The following FUT9 variants were observed in gnomAD, a reference collection of about 807,000 sequenced individuals.
The protein encoded by FUT9 is fucosyltransferase 9, also known as 4-galactosyl-N-acetylglucosaminide 3-alpha-L-fucosyltransferase 9.
A neutral mutation model predicts 29.7 loss-of-function variants in FUT9; 15 were observed. The observed-to-expected ratio is 0.51, with a 90% CI of 0.34 to 0.78. The LOEUF (loss-of-function observed/expected upper bound fraction) is 0.78, where lower values mean the gene tolerates loss of function less well. FUT9 is among the 30% of genes least tolerant of loss of function. The pLI is 0.01. For missense variants in FUT9, 319 were observed against 425.4 expected (o/e 0.75, Z 2.20); for synonymous variants, 169 against 153.7 (o/e 1.10, Z -0.74).
intron 2 of FUT9, among the ~76,000 whole-genome samples, chr6:96,161,375 G>A (rs551294046): frequency 4.5e-4 from 68 of 152,240 alleles, no homozygotes; most frequent in African/African-American, 1.6e-3. Context: ...AAATCTGCCA[G>A]CACCTTAATC....
intron 2 of FUT9, among the ~76,000 whole-genome samples, chr6:96,159,457 G>A (rs546002020): frequency 6.6e-6 from 1 of 152,210 alleles, no homozygotes; most frequent in East Asian, 1.9e-4. Context: ...AAATTATTAA[G>A]ATGGGTTCTA....
intron 2 of FUT9, among the ~76,000 whole-genome samples, chr6:96,180,248 T>C (rs898202637): frequency 1.3e-5 from 2 of 152,132 alleles, no homozygotes; most frequent in African/African-American, 4.8e-5. Flanking sequence ...CATGTATCAA[T>C]TCATTTTACA....
In FUT9 at chr6:96,212,031, A is replaced by G; in HGVS notation, c.*7796A>G. The G allele has an allele frequency of 2.4e-6, 1 of 412,154 alleles. No homozygotes were observed. The highest frequency in any genetic ancestry group is 3.6e-5 in the East Asian group (1 of 28,050). The allele number at this position is 412,154 out of a possible 1,614,324, so 25.5% of individuals were successfully genotyped here. On this transcript the variant is annotated 3_prime_UTR_variant, in exon 3 of 3. Transcript: ENST00000302103. ...GCCAATTCTACAGAAAGTTATGCTAACATGCTAACTTTCCACACATGGCTG... is the reference window on the plus strand; with the variant it reads ...GCCAATTCTACAGAAAGTTATGCTAGCATGCTAACTTTCCACACATGGCTG...
intron 1 of FUT9, among the ~76,000 whole-genome samples, chr6:96,030,410 A>G (rs1352327912): frequency 6.6e-6 from 1 of 151,588 alleles, no homozygotes; most frequent in Non-Finnish European, 1.5e-5. Flanking sequence ...AAATCAGAGT[A>G]AGATATCACT....
chr6:96,016,601 C>G (rs2127918457), intron 1 of FUT9, among the ~76,000 whole-genome samples: 1 of 152,308 alleles, frequency 6.6e-6, no homozygotes, highest in East Asian at 1.9e-4. Flanking sequence ...TTCACCCGAT[C>G]TCGCGCTGAC....
At chr6:96,097,117 G>C (rs543615172) in intron 1 of FUT9, among the ~76,000 whole-genome samples, 1 of 152,330 alleles carries the variant, frequency 6.6e-6, no homozygotes, top group South Asian at 2.1e-4. Context: ...ACACAGGTCA[G>C]CATCTAGGCT....
rs546071926 is a variant in FUT9 at position 96,098,185 on chromosome 6, C to T, written c.-97-15854C>T. 2.6e-5 allele frequency among the ~76,000 whole-genome samples: 4 copies of T among 152,206 alleles called. No individual in the cohort carries two copies. The East Asian group carries it at 7.7e-4, about 29-fold the overall frequency. ...ATTTTAGTTGCTTCTTAGATCTTCT[C>T]TTTCCCTAAACACCTCCAATTTTGT... On this transcript the variant is annotated intron_variant, in intron 1 of 2. Transcript: ENST00000302103.
rs11393475 is a variant in FUT9, at chr6:96,208,272, A to ATTT, written c.*4045_*4047dup. 73 of 163,234 alleles carry ATTT rather than the reference A, an allele frequency of 4.5e-4. No homozygotes were observed. Among genetic ancestry groups the ATTT allele is most frequent in the African/African-American group, 1.1e-3 (44 of 41,180 alleles). The allele number at this position is 163,234 out of a possible 1,614,324, so 10.1% of individuals were successfully genotyped here. On this transcript the variant is annotated 3_prime_UTR_variant, in exon 3 of 3. Coordinates refer to ENST00000302103, the MANE Select transcript of FUT9 (RefSeq NM_006581.4). ...ATGAGTCTTAAGGTAATATCCTAGA[A>ATTT]TTTTTTTTTTGCGTGAATTAAAGTT...
chr6:96,139,340 C>T (rs1772417495), intron 2 of FUT9, among the ~76,000 whole-genome samples: 1 of 152,162 alleles, frequency 6.6e-6, no homozygotes, highest in Non-Finnish European at 1.5e-5. Flanking sequence ...GGAAGCTCTG[C>T]CCCTGTGTCT....
At chr6:96,101,767 T>C (rs1056318117) in intron 1 of FUT9, among the ~76,000 whole-genome samples, 1 of 150,494 alleles carries the variant, frequency 6.6e-6, no homozygotes, top group Non-Finnish European at 1.5e-5. Flanking sequence ...TATCCTCCCA[T>C]CTCAGCCTCC....
At chr6:96,021,340 C>T (rs563608866) in intron 1 of FUT9, among the ~76,000 whole-genome samples, 27 of 151,304 alleles carry the variant, frequency 1.8e-4, no homozygotes, top group Non-Finnish European at 3.8e-4. Context: ...ACAGGTAGTC[C>T]CAAACTAACA....
intron 1 of FUT9, among the ~76,000 whole-genome samples, chr6:96,098,689 C>T (rs1771540441): frequency 1.3e-5 from 2 of 152,072 alleles, no homozygotes; most frequent in South Asian, 2.1e-4. Flanking sequence ...AGCCAGGGAC[C>T]TCCTGCAGTT....
At chr6:96,114,981 A>G (rs1771883240) in intron 2 of FUT9, among the ~76,000 whole-genome samples, 1 of 152,182 alleles carries the variant, frequency 6.6e-6, no homozygotes, top group South Asian at 2.1e-4. Context: ...TCGCTTCTCA[A>G]GCCTTACTCT....
chr6:96,189,490 A>G (rs544548117), intron 2 of FUT9, among the ~76,000 whole-genome samples: 1 of 152,194 alleles, frequency 6.6e-6, no homozygotes, highest in South Asian at 2.1e-4. Flanking sequence ...GTGTACATCT[A>G]ATGTTGACAG....
chr6:96,193,252 C>T, intron 2 of FUT9, among the ~76,000 whole-genome samples: 1 of 135,286 alleles, frequency 7.4e-6, no homozygotes, highest in Non-Finnish European at 1.6e-5. Context: ...AAACTACCAT[C>T]AGAGTGAACA....
chr6:96,059,280 T>G (rs1181786708), intron 1 of FUT9, among the ~76,000 whole-genome samples: 1 of 152,186 alleles, frequency 6.6e-6, no homozygotes, highest in African/African-American at 2.4e-5. Context: ...CTCCCCTAAA[T>G]ATCCCAGTGG....
At chr6:96,069,626 TA>T (rs1562115246) in intron 1 of FUT9, among the ~76,000 whole-genome samples, 2,338 of 150,188 alleles carry the variant, frequency 0.016, 35 homozygotes, top group South Asian at 0.074. Context: ...TTTATTTTTT[TA>T]TTTTTTATTT....
At chr6:96,200,223 A>T in intron 2 of FUT9, among the ~76,000 whole-genome samples, 1 of 152,310 alleles carries the variant, frequency 6.6e-6, no homozygotes, top group South Asian at 2.1e-4. Flanking sequence ...TATGTGTCAG[A>T]TACCCTTGTT....
rs1433853132 is a variant in FUT9 at position 96,204,455 on chromosome 6, TG to T, written c.*222del. On this transcript the variant is annotated 3_prime_UTR_variant, in exon 3 of 3. Transcript: ENST00000302103. ...CCTGTATATACCTAATTATGTGCACTGGAGAGTAATTTATTCTTCATTATCA... is the reference window on the plus strand; with the variant it reads ...CCTGTATATACCTAATTATGTGCACTGAGAGTAATTTATTCTTCATTATCA... 2 of 328,368 alleles carry T rather than the reference TG, an allele frequency of 6.1e-6. No individual in the cohort carries two copies. Among genetic ancestry groups the T allele is most frequent in the African/African-American group, 4.3e-5 (2 of 46,808 alleles). 20.3% of individuals were successfully genotyped at this position (328,368 alleles called of 1,614,324 possible).
Sources: allele counts gnomAD v4.1 joint callset (sites outside exome capture counted in the v4.1 genomes callset), GRCh38; gene constraint gnomAD v4.1.1; transcripts MANE v1.5; gene names NCBI Gene and HGNC (gene_info 2026-07-23, HGNC 2026-07-21).